The following OGFOD3 variants were observed in gnomAD, a reference collection of about 807,000 sequenced individuals.
OGFOD3 encodes the protein 2-oxoglutarate and iron-dependent oxygenase domain-containing protein 3.
Under a neutral mutation model 39.8 loss-of-function variants are expected in OGFOD3, and 35 were observed. The observed-to-expected ratio is 0.88, with a 90% CI of 0.67 to 1.17. The LOEUF is 1.17. OGFOD3 is among the 50% of genes most tolerant of loss of function. The pLI is 0.00. For missense variants in OGFOD3, 438 were observed against 454.5 expected, an observed-to-expected ratio of 0.96 and a Z score of 0.33; for synonymous variants, 200 against 192.0, an observed-to-expected ratio of 1.04 and a Z score of -0.34.
intron 3 of OGFOD3, among the ~76,000 whole-genome samples, chr17:82,411,171 T>C (rs1441349102): frequency 6.6e-6 from 1 of 151,532 alleles, no homozygotes; most frequent in African/African-American, 2.4e-5. Flanking sequence ...CTCAGCCTCC[T>C]GAGTAGCTGG....
At position 82,404,305 on chromosome 17, in the gene OGFOD3, CACA is replaced by C. The variant is rs1378182561; in HGVS notation, c.546-218_546-216del. Among the ~76,000 whole-genome samples the C allele has an allele frequency of 6.6e-6, 1 of 152,230 alleles. No homozygotes were observed. Among genetic ancestry groups the C allele is most frequent in the Non-Finnish European group, 1.5e-5 (1 of 68,042 alleles). On this transcript the variant is annotated intron_variant, in intron 6 of 8. Coordinates refer to ENST00000313056, the MANE Select transcript of OGFOD3 (RefSeq NM_024648.3). The surrounding 1 kb of genome is among the most constrained non-coding windows in gnomAD (Gnocchi z 4.5). ...GAGCAGCCAGAGGCAGGCGCAAGAC[CACA>C]GCAGCAGGACTGGGGAGGCAGAAGG...
chr17:82,394,419 C>T (rs751347008), intron 8 of OGFOD3: 1 of 1,612,724 alleles, frequency 6.2e-7, no homozygotes, highest in Non-Finnish European at 8.5e-7. Flanking sequence ...GTGTCTCTCC[C>T]CTCTCGGGCG....
rs1410830668 is a variant in OGFOD3, at chr17:82,415,943, T to C, written c.75-316A>G. On this transcript the variant is annotated intron_variant, in intron 1 of 8. Transcript: ENST00000313056. This position sits in a 1 kb window ranked among gnomAD's most constrained non-coding sequence, Gnocchi z 5.3. Reference sequence around the variant, plus strand: ...CAGACATGCTCCTTATAAAAGCCACTTCAGGCCCGGCGCAGTGGCTTATGC... The same window carrying C: ...CAGACATGCTCCTTATAAAAGCCACCTCAGGCCCGGCGCAGTGGCTTATGC... Among the ~76,000 whole-genome samples the C allele has an allele frequency of 2.6e-5, 4 of 151,628 alleles. No individual in the cohort carries two copies. The highest frequency in any genetic ancestry group is 9.7e-5 in the African/African-American group (4 of 41,240).
At chr17:82,416,531 C>T (rs147267597) in intron 1 of OGFOD3, among the ~76,000 whole-genome samples, 1 of 152,128 alleles carries the variant, frequency 6.6e-6, no homozygotes, top group Non-Finnish European at 1.5e-5. Flanking sequence ...ATAAGCTTCT[C>T]GTCTGTTCCA....
rs1317467999 is a variant in OGFOD3, at chr17:82,415,625, G to C, written c.77C>G (p.Thr26Ser). The change falls in exon 2 of 9, where the codon ACC (threonine) becomes AGC (serine). Residue 26 changes from threonine to serine, a missense_variant and splice_region_variant. Physicochemically the swap from Thr to Ser is moderately conservative, Grantham distance 58. Coordinates refer to ENST00000313056, the MANE Select transcript of OGFOD3 (RefSeq NM_024648.3). The surrounding 1 kb of genome is among the most constrained non-coding windows in gnomAD (Gnocchi z 5.3). ...CTCCCGCGGGGCTCGGTCCTTCTTG[G>C]TGCTGAGAACAGAAAACAGGCCACG... ...GAAERRNRSS[T>S]KKDRAPREVQ... 1.9e-6 allele frequency: 3 copies of C among 1,608,684 alleles called. No individual in the cohort carries two copies. Among genetic ancestry groups the C allele is most frequent in the Admixed American group, 3.4e-5 (2 of 59,500 alleles).
At chr17:82,413,050 A>T (rs1221772364) in intron 2 of OGFOD3, among the ~76,000 whole-genome samples, 2 of 152,234 alleles carry the variant, frequency 1.3e-5, no homozygotes, top group African/African-American at 4.8e-5. Flanking sequence ...ACTTGGCTGA[A>T]TATCAGGGAA....
chr17:82,416,251 T>A (rs2053032200), intron 1 of OGFOD3, among the ~76,000 whole-genome samples: 1 of 152,058 alleles, frequency 6.6e-6, no homozygotes. Flanking sequence ...AATAAATAAA[T>A]AAATAAACAA....
intron 7 of OGFOD3, among the ~76,000 whole-genome samples, 175 bp from the exon 8 acceptor site, chr17:82,398,494 G>A (rs1020074099): frequency 2.0e-5 from 3 of 152,184 alleles, no homozygotes; most frequent in Non-Finnish European, 2.9e-5. Flanking sequence ...CCGCCTCCCA[G>A]GTTCAAGCAA....
At chr17:82,401,905 C>T (rs565306823) in intron 7 of OGFOD3, among the ~76,000 whole-genome samples, 140 of 151,868 alleles carry the variant, frequency 9.2e-4, no homozygotes, top group African/African-American at 3.3e-3. Context: ...ATTCCTTCCT[C>T]TGTCACAGCG....
chr17:82,413,890 A>AAAG (rs1555613622), intron 2 of OGFOD3, among the ~76,000 whole-genome samples: 3,915 of 151,590 alleles, frequency 0.026, 168 homozygotes, highest in African/African-American at 0.09. Flanking sequence ...AAAAAAAAAA[A>AAAG]AAGAAGAAAG....
intron 1 of OGFOD3, chr17:82,417,366 C>T (rs993222782): frequency 1.3e-5 from 2 of 152,210 alleles, no homozygotes; most frequent in African/African-American, 4.8e-5. Context: ...CGCCTGTAAT[C>T]CCAGCACTTT....
chr17:82,405,151 C>T (rs1198713373), intron 6 of OGFOD3, among the ~76,000 whole-genome samples, 173 bp downstream of exon 6: 1 of 152,256 alleles, frequency 6.6e-6, no homozygotes, highest in Non-Finnish European at 1.5e-5. Context: ...CCGGGCGCAT[C>T]CTGGCCACGC....
Position 82,406,328 on chromosome 17 carries a change from G to A in OGFOD3, c.488+90C>T. 2 of 1,195,186 alleles carry A rather than the reference G, an allele frequency of 1.7e-6. No individual in the cohort carries two copies. The highest frequency in any genetic ancestry group is 1.5e-5 in the African/African-American group (1 of 66,814). The allele number at this position is 1,195,186 out of a possible 1,614,324, so 74.0% of individuals were successfully genotyped here. A position where few individuals can be genotyped will look rare whatever the true frequency, so the allele number is the denominator to read the frequency against. On this transcript the variant is annotated intron_variant, in intron 5 of 8. Transcript: ENST00000313056. This position sits in a 1 kb window ranked among gnomAD's most constrained non-coding sequence, Gnocchi z 5.2. ...CACCGAGCCGGATCCTCCCTCACAT[G>A]TCCACGTGTCCACATGTCCATGGCT...
chr17:82,394,508 G>A (rs1241881988), intron 8 of OGFOD3: 28 of 1,613,296 alleles, frequency 1.7e-5, no homozygotes, highest in Non-Finnish European at 2.3e-5. Context: ...TTAACTTCTT[G>A]GAACCCACAA....
In OGFOD3 at chr17:82,406,334, G is replaced by GTGTCCACA. The variant is rs1599696876; in HGVS notation, c.488+76_488+83dup. Reference sequence around the variant, plus strand: ...GCCGGATCCTCCCTCACATGTCCACGTGTCCACATGTCCATGGCTAAGAGG... The same window carrying GTGTCCACA: ...GCCGGATCCTCCCTCACATGTCCACGTGTCCACATGTCCACATGTCCATGGCTAAGAGG... On this transcript the variant is annotated intron_variant, in intron 5 of 8. Coordinates refer to ENST00000313056, the MANE Select transcript of OGFOD3 (RefSeq NM_024648.3). The surrounding 1 kb of genome is among the most constrained non-coding windows in gnomAD (Gnocchi z 5.2). 8.8e-6 allele frequency: 11 copies of GTGTCCACA among 1,248,212 alleles called. No individual in the cohort carries two copies. The East Asian group carries it at 2.6e-4, about 29-fold the overall frequency. 77.3% of individuals were successfully genotyped at this position (1,248,212 alleles called of 1,614,324 possible).
In OGFOD3 at chr17:82,404,110, C is replaced by T. The variant is rs1219394695; in HGVS notation, c.546-20G>A. ...ACCTCCCTGCAGAGGACACAATAGC[C>T]GTCAGCGCAGCCCCAGGCGGGAGGG... On this transcript the variant is annotated intron_variant, in intron 6 of 8. Transcript: ENST00000313056. This position sits in a 1 kb window ranked among gnomAD's most constrained non-coding sequence, Gnocchi z 4.5. 1.9e-6 allele frequency: 3 copies of T among 1,561,066 alleles called. No homozygotes were observed. The highest frequency in any genetic ancestry group is 1.2e-5 in the South Asian group (1 of 82,950).
Position 82,402,681 on chromosome 17 carries a change from A to G in OGFOD3, c.699+1256T>C, listed in dbSNP as rs186396848. Among the ~76,000 whole-genome samples the G allele has an allele frequency of 3.1e-3, 479 of 152,178 alleles. 10 individuals carry two copies. The highest frequency in any genetic ancestry group is 4.1e-3 in the Non-Finnish European group (276 of 67,992). The stretch of plus-strand genomic sequence containing the variant: ...AGAATCACTTGAACCCAAGAGGTGG[A>G]GGTTGCAGTGAGCTGAAATCGCACC... On this transcript the variant is annotated intron_variant, in intron 7 of 8. Transcript: ENST00000313056.
chr17:82,394,607 C>A (rs1243513509), intron 8 of OGFOD3: 2 of 1,313,250 alleles, frequency 1.5e-6, no homozygotes, highest in Non-Finnish European at 2.1e-6. Flanking sequence ...GCGGTGCACA[C>A]CCTACACCCT....
chr17:82,402,619 T>C (rs2052785485), intron 7 of OGFOD3, among the ~76,000 whole-genome samples: 3 of 151,684 alleles, frequency 2.0e-5, no homozygotes, highest in African/African-American at 7.3e-5. Context: ...TGGTGGCATG[T>C]GCCTGTAATC....
Sources: allele counts gnomAD v4.1 joint callset (sites outside exome capture counted in the v4.1 genomes callset), GRCh38; gene constraint gnomAD v4.1.1; non-coding constraint Gnocchi (gnomAD v3.1); transcripts MANE v1.5; gene names NCBI Gene and HGNC (gene_info 2026-07-23, HGNC 2026-07-21).